SYTL5: variants seen among roughly 807,000 people sequenced by gnomAD.
SYTL5 encodes synaptotagmin like 5.
SYTL5 carries 34 observed loss-of-function variants against 55.9 expected under a neutral mutation model. The ratio of observed to expected loss-of-function variants is 0.61; its 90% confidence interval spans 0.46 to 0.81. SYTL5 has a LOEUF of 0.81. Among genes scored for constraint, SYTL5 ranks in the 30% least tolerant of loss-of-function variants. The pLI, the probability that SYTL5 is intolerant of heterozygous loss-of-function variation, is 0.00. For missense variants in SYTL5, 637 were observed against 546.7 expected (o/e 1.17, Z -1.65); for synonymous variants, 221 against 188.7 (o/e 1.17, Z -1.40).
the SYTL5 span, among the ~76,000 whole-genome samples, chrX:37,996,019 T>C: frequency 6.3e-5 from 7 of 111,732 alleles, no homozygotes; most frequent in Admixed American, 6.6e-4. Context: ...CACTCTGACC[T>C]TGTAAGGACC....
chrX:37,924,424 A>G, the SYTL5 span, among the ~76,000 whole-genome samples: 1 of 111,891 alleles, frequency 8.9e-6, no homozygotes, highest in Admixed American at 9.5e-5. Context: ...TGTGTGGCAC[A>G]TAGTAGGTAC....
At chrX:37,948,402 ATAT>A in the SYTL5 span, among the ~76,000 whole-genome samples, 1 of 110,116 alleles carries the variant, frequency 9.1e-6, no homozygotes, top group African/African-American at 3.3e-5. Context: ...ATTTCAAGGA[ATAT>A]TATTATATGT....
chrX:38,055,801 A>T (rs374912490), intron 3 of SYTL5, among the ~76,000 whole-genome samples: 10 of 111,911 alleles, frequency 8.9e-5, no homozygotes, highest in African/African-American at 3.2e-4. Flanking sequence ...ACTATGTTTT[A>T]ATACTGGATT....
the SYTL5 span, among the ~76,000 whole-genome samples, chrX:38,000,807 C>T: frequency 9.0e-6 from 1 of 111,494 alleles, no homozygotes; most frequent in Non-Finnish European, 1.9e-5. Context: ...GGAGTGGGAA[C>T]GTGGTTTTCC....
rs750547400 is a variant in SYTL5, at chrX:38,076,527, T to C, written c.555-40T>C. On this transcript the variant is annotated intron_variant, in intron 5 of 16. Transcript: ENST00000297875. ...CTTGAAATGATATTTTTAAATGCTT[T>C]CTTTCTTATCTAATTTTAAATACAT... The C allele has an allele frequency of 6.1e-6, 6 of 980,483 alleles. No individual in the cohort carries two copies. In the South Asian group the frequency reaches 1.4e-4, roughly 23 times the overall value. The allele number at this position is 980,483 out of a possible 1,213,427, so 80.8% of individuals were successfully genotyped here.
the SYTL5 span, among the ~76,000 whole-genome samples, chrX:37,940,104 G>C: frequency 3.6e-5 from 4 of 110,510 alleles, no homozygotes; most frequent in Admixed American, 9.7e-5. Flanking sequence ...CTAAAATGCT[G>C]GGATTATAGG....
At chrX:38,126,470 A>G in intron 16 of SYTL5, 118 bp from the exon 17 acceptor site, 1 of 687,440 alleles carries the variant, frequency 1.5e-6, no homozygotes, top group Non-Finnish European at 2.2e-6. Flanking sequence ...ATACTAAGTG[A>G]GAACAAGCCA....
chrX:37,890,522 G>T, the SYTL5 span, among the ~76,000 whole-genome samples: 18 of 111,594 alleles, frequency 1.6e-4, no homozygotes, highest in Admixed American at 7.6e-4. Context: ...TTCTCTCCTA[G>T]TTCATCTGCA....
chrX:37,964,453 A>G, the SYTL5 span, among the ~76,000 whole-genome samples: 15 of 111,800 alleles, frequency 1.3e-4, no homozygotes, highest in Admixed American at 1.9e-4. Context: ...TCACTTGGTA[A>G]TGGTACGTGA....
the SYTL5 span, among the ~76,000 whole-genome samples, chrX:37,956,899 T>A: frequency 1.8e-5 from 2 of 111,908 alleles, no homozygotes; most frequent in African/African-American, 6.5e-5. Flanking sequence ...CATTCTACAG[T>A]CCCACTAACA....
intron 6 of SYTL5, among the ~76,000 whole-genome samples, chrX:38,088,581 C>A (rs1195624420): frequency 8.9e-6 from 1 of 112,223 alleles, no homozygotes; most frequent in Non-Finnish European, 1.9e-5. Context: ...GGGCAGGAAC[C>A]ACTTTTTCAT....
At position 38,043,661 on chromosome X, in the gene SYTL5, G is replaced by GTATATATATATATA. The variant is rs35312093; in HGVS notation, c.119+9670_119+9683dup. 3.5e-3 allele frequency among the ~76,000 whole-genome samples: 177 copies of GTATATATATATATA among 50,101 alleles called. 2 individuals carry two copies. In the East Asian group the frequency reaches 0.045, roughly 13 times the overall value. The allele number at this position is 50,101 out of a possible 115,157, so 43.5% of individuals were successfully genotyped here. A position where few individuals can be genotyped will look rare whatever the true frequency, so the allele number is the denominator to read the frequency against. On this transcript the variant is annotated intron_variant, in intron 2 of 16. Coordinates refer to ENST00000297875, the MANE Select transcript of SYTL5 (RefSeq NM_138780.3). ...CTGTAACTTTTATGTATGTATGTAT[G>GTATATATATATATA]TATATATATATATATATATATATAT...
At chrX:38,062,126 C>T (rs760670977) in intron 3 of SYTL5, among the ~76,000 whole-genome samples, 2 of 110,568 alleles carry the variant, frequency 1.8e-5, no homozygotes, top group African/African-American at 6.6e-5. Flanking sequence ...TGCCACCACA[C>T]CCGGCTAATT....
At chrX:37,998,604 G>A in the SYTL5 span, among the ~76,000 whole-genome samples, 2 of 111,901 alleles carry the variant, frequency 1.8e-5, no homozygotes, top group South Asian at 3.8e-4. Flanking sequence ...ACCCCTTGCC[G>A]TTCCACACCT....
At chrX:38,116,792 T>A (rs5917539) in intron 13 of SYTL5, among the ~76,000 whole-genome samples, 1 of 111,700 alleles carries the variant, frequency 9.0e-6, no homozygotes, top group Non-Finnish European at 1.9e-5. Context: ...GACTAACTAA[T>A]GCAGCTGACT....
At chrX:38,114,521 A>G (rs1210268297) in intron 13 of SYTL5, among the ~76,000 whole-genome samples, 1 of 111,672 alleles carries the variant, frequency 9.0e-6, no homozygotes, top group Non-Finnish European at 1.9e-5. Context: ...ACAAACACAC[A>G]CAATATATTT....
intron 10 of SYTL5, chrX:38,102,959 T>G: frequency 1.2e-6 from 1 of 838,629 alleles, no homozygotes; most frequent in South Asian, 2.4e-5. Context: ...AGTCTTTTTC[T>G]TGGCTTCTCT....
intron 1 of SYTL5, among the ~76,000 whole-genome samples, chrX:38,014,256 T>C (rs1453408710): frequency 8.9e-6 from 1 of 111,997 alleles, no homozygotes; most frequent in African/African-American, 3.3e-5. Flanking sequence ...ATATATGTTA[T>C]ATGTATGTAT....
intron 1 of SYTL5, among the ~76,000 whole-genome samples, chrX:38,017,783 C>G (rs1320938991): frequency 9.2e-6 from 1 of 108,857 alleles, no homozygotes; most frequent in Non-Finnish European, 1.9e-5. Context: ...ACCTTCTAAG[C>G]TATATGTCTA....
Sources: gnomAD v4.1 joint callset for allele counts (sites outside exome capture counted in the v4.1 genomes callset) on GRCh38, gnomAD v4.1.1 for gene constraint, MANE v1.5 for transcripts, NCBI Gene and HGNC (gene_info 2026-07-23, HGNC 2026-07-21) for gene names.